Variants in COL14A1 observed in about 807,000 individuals in gnomAD.
The protein encoded by COL14A1 is collagen type XIV alpha 1 chain.
In COL14A1, 136 loss-of-function variants were observed where a neutral mutation model predicts 230.3. The observed-to-expected ratio is 0.59, with a 90% CI of 0.51 to 0.68. The LOEUF (loss-of-function observed/expected upper bound fraction) is 0.68, where lower values mean the gene tolerates loss of function less well. COL14A1 is among the 30% of genes least tolerant of loss of function. The pLI is 0.00. For synonymous variants in COL14A1, 792 were observed against 784.1 expected (o/e 1.01, Z -0.17); for missense variants, 1,976 against 2,215.8 (o/e 0.89, Z 2.17).
intron 23 of COL14A1, among the ~76,000 whole-genome samples, chr8:120,258,163 G>C (rs1296830232): frequency 2.0e-5 from 3 of 152,154 alleles, no homozygotes; most frequent in African/African-American, 7.2e-5. Flanking sequence ...AAAAGTCTCT[G>C]GCTTCAGGCA....
intron 40 of COL14A1, among the ~76,000 whole-genome samples, chr8:120,330,297 T>C (rs1821819600): frequency 6.6e-6 from 1 of 152,136 alleles, no homozygotes; most frequent in Admixed American, 6.5e-5. Flanking sequence ...GACCAGTGTT[T>C]CTCCTCCACA....
At chr8:120,213,341 G>T (rs1817664576) in intron 13 of COL14A1, among the ~76,000 whole-genome samples, 1 of 152,174 alleles carries the variant, frequency 6.6e-6, no homozygotes, top group African/African-American at 2.4e-5. Flanking sequence ...AGTGCAGGGA[G>T]ACTTGGGGTC....
At chr8:120,192,938 T>G (rs1816879179) in intron 5 of COL14A1, among the ~76,000 whole-genome samples, 1 of 152,200 alleles carries the variant, frequency 6.6e-6, no homozygotes. Flanking sequence ...ATTCTAGTTA[T>G]ACATTCGTCT....
Position 120,216,401 on chromosome 8 carries a change from A to G in COL14A1, c.1648A>G (p.Ser550Gly). ...GAGAATCTCCAATGTTGGCTCTAACAGTGCTCGATTAACCTGGGACCCAAC... is the reference window on the plus strand; with the variant it reads ...GAGAATCTCCAATGTTGGCTCTAACGGTGCTCGATTAACCTGGGACCCAAC... The part of the protein sequence containing the change: ...NLRISNVGSN[S>G]ARLTWDPTSR... The change falls in exon 14 of 48, where the codon AGT (serine) becomes GGT (glycine). Residue 550 changes from serine (S) to glycine (G), a missense_variant. Ser to Gly is a moderately conservative substitution (Grantham distance 56). Transcript: ENST00000297848. The G allele has an allele frequency of 6.2e-7, 1 of 1,613,966 alleles. No individual in the cohort carries two copies. The highest frequency in any genetic ancestry group is 8.5e-7 in the Non-Finnish European group (1 of 1,179,906).
At chr8:120,183,412 A>G (rs1816538153) in intron 5 of COL14A1, among the ~76,000 whole-genome samples, 1 of 152,216 alleles carries the variant, frequency 6.6e-6, no homozygotes, top group African/African-American at 2.4e-5. Flanking sequence ...GTTGTCCTGC[A>G]TCTGCTGTCA....
intron 26 of COL14A1, among the ~76,000 whole-genome samples, chr8:120,271,222 T>G (rs1819657059): frequency 6.6e-6 from 1 of 151,438 alleles, no homozygotes; most frequent in South Asian, 2.1e-4. Context: ...AGGGCCTACT[T>G]GTGGGTGGAG....
At chr8:120,362,376 ACT>A (rs1486510922) in intron 45 of COL14A1, among the ~76,000 whole-genome samples, 4 of 152,064 alleles carry the variant, frequency 2.6e-5, no homozygotes, top group Non-Finnish European at 5.9e-5. Flanking sequence ...GTGCTGATAC[ACT>A]CTCAGGCACA....
At chr8:120,293,326 A>G (rs1325082130) in intron 34 of COL14A1, among the ~76,000 whole-genome samples, 1 of 152,008 alleles carries the variant, frequency 6.6e-6, no homozygotes, top group South Asian at 2.1e-4. Context: ...TGATGATTCT[A>G]CAAACACTTG....
chr8:120,317,131 G>A (rs909870674), intron 40 of COL14A1, among the ~76,000 whole-genome samples: 4 of 152,058 alleles, frequency 2.6e-5, no homozygotes, highest in Non-Finnish European at 4.4e-5. Flanking sequence ...ATAGAGTGGC[G>A]ACCACTTAGA....
intron 14 of COL14A1, among the ~76,000 whole-genome samples, chr8:120,218,051 C>A (rs796842620): frequency 1.5e-5 from 2 of 135,212 alleles, no homozygotes; most frequent in Non-Finnish European, 3.1e-5. Flanking sequence ...TATTATATAT[C>A]TATTTTTATG....
chr8:120,153,170 A>G (rs1815346887), intron 2 of COL14A1, among the ~76,000 whole-genome samples: 1 of 152,208 alleles, frequency 6.6e-6, no homozygotes, highest in Non-Finnish European at 1.5e-5. Flanking sequence ...AAAAATGACT[A>G]ACATAAAAAG....
intron 5 of COL14A1, among the ~76,000 whole-genome samples, chr8:120,181,099 G>T (rs1016551262): frequency 6.6e-6 from 1 of 152,158 alleles, no homozygotes. Context: ...TCCAATTGCG[G>T]TGAACAAGGA....
At chr8:120,311,779 C>G (rs529595854) in intron 37 of COL14A1, among the ~76,000 whole-genome samples, 1 of 152,232 alleles carries the variant, frequency 6.6e-6, no homozygotes, top group East Asian at 1.9e-4. Flanking sequence ...CCCTTCTACT[C>G]TATTTGCAAT....
At chr8:120,256,270 T>C (rs2129720971) in intron 23 of COL14A1, among the ~76,000 whole-genome samples, 1 of 152,284 alleles carries the variant, frequency 6.6e-6, no homozygotes, top group Middle Eastern at 3.4e-3. Flanking sequence ...ATGACCTAAT[T>C]ATTTCTAGTC....
At chr8:120,263,047 C>A in intron 24 of COL14A1, 33 bp downstream of exon 24, 2 of 1,531,254 alleles carry the variant, frequency 1.3e-6, no homozygotes, top group Non-Finnish European at 1.7e-6. Flanking sequence ...TGATCCCTCT[C>A]CCCATGAACA....
At position 120,371,932 on chromosome 8, in the gene COL14A1, G is replaced by T; in HGVS notation, c.*701G>T. 1 of 306,538 alleles carries T rather than the reference G, an allele frequency of 3.3e-6. No homozygotes were observed. Among genetic ancestry groups the T allele is most frequent in the Non-Finnish European group, 6.0e-6 (1 of 167,422 alleles). The allele number at this position is 306,538 out of a possible 1,614,324, so 19.0% of individuals were successfully genotyped here. A position where few individuals can be genotyped will look rare whatever the true frequency, so the allele number is the denominator to read the frequency against. On this transcript the variant is annotated 3_prime_UTR_variant, in exon 48 of 48. Transcript: ENST00000297848. Reference sequence around the variant, plus strand: ...ACGATTTATCCAGCAGTGTGTTCCAGGGGTTGCCTCTCCTTATCTACGGGG... The same window carrying T: ...ACGATTTATCCAGCAGTGTGTTCCATGGGTTGCCTCTCCTTATCTACGGGG...
chr8:120,364,975 T>A (rs1823358208), intron 45 of COL14A1, among the ~76,000 whole-genome samples: 2 of 151,664 alleles, frequency 1.3e-5, no homozygotes, highest in Non-Finnish European at 2.9e-5. Context: ...GCATTTTCCT[T>A]TTTGTTTTCT....
intron 1 of COL14A1, among the ~76,000 whole-genome samples, chr8:120,132,989 G>T (rs1307114573): frequency 6.6e-6 from 1 of 152,056 alleles, no homozygotes; most frequent in African/African-American, 2.4e-5. Context: ...AGGCCGAGAC[G>T]GGCGGATCAC....
intron 19 of COL14A1, 141 bp downstream of exon 19, chr8:120,231,759 T>C: frequency 1.1e-6 from 1 of 889,242 alleles, no homozygotes; most frequent in Non-Finnish European, 1.6e-6. Flanking sequence ...TCTCTGTTAA[T>C]CTGACTCCAC....
Sources: allele counts gnomAD v4.1 joint callset (sites outside exome capture counted in the v4.1 genomes callset), GRCh38; gene constraint gnomAD v4.1.1; transcripts MANE v1.5; gene names NCBI Gene and HGNC (gene_info 2026-07-23, HGNC 2026-07-21).